NDC80: variants seen among roughly 807,000 people sequenced by gnomAD.
NDC80 encodes NDC80 kinetochore complex component, also known as kinetochore protein NDC80 homolog.
NDC80 carries 69 observed loss-of-function variants against 89.3 expected under a neutral mutation model. The observed-to-expected ratio is 0.77, with a 90% CI of 0.64 to 0.94. The LOEUF is 0.94. NDC80 is among the 40% of genes least tolerant of loss of function. The probability of loss-of-function intolerance (pLI) is 0.00; values close to 1 mark genes in which losing one functional copy is unlikely to be tolerated. For synonymous variants in NDC80, 243 were observed against 255.6 expected, an observed-to-expected ratio of 0.95 and a Z score of 0.47; for missense variants, 593 against 739.6, an observed-to-expected ratio of 0.80 and a Z score of 2.30.
chr18:2,609,591 G>A (rs1176351156), intron 15 of NDC80, among the ~76,000 whole-genome samples: 2 of 152,120 alleles, frequency 1.3e-5, no homozygotes, highest in Non-Finnish European at 2.9e-5. Flanking sequence ...ATACTTAATG[G>A]CTAAGAAATA....
chr18:2,595,854 C>A lies in NDC80; in HGVS notation c.1221+233C>A, dbSNP rs76829748. On this transcript the variant is annotated intron_variant, in intron 11 of 16. Transcript: ENST00000261597. The stretch of plus-strand genomic sequence containing the variant: ...CCAATGAAAAAGTAAACAAAAAAGT[C>A]TCTAAAACTATGAAAATAATGTTCA... Among the ~76,000 whole-genome samples, 1,047 of 152,246 alleles carry A rather than the reference C, an allele frequency of 6.9e-3. 17 individuals carry two copies. The highest frequency in any genetic ancestry group is 0.024 in the African/African-American group (992 of 41,540).
rs1400233076 is a variant in NDC80 at position 2,610,753 on chromosome 18, C to A, written c.1689-6C>A. ...GACAACTTAAACAAGAGTTTTTGTT[C>A]TACAGATACCAACTAGTTGTGCAAA... On this transcript the variant is annotated splice_region_variant and splice_polypyrimidine_tract_variant and intron_variant, in intron 15 of 16. Coordinates refer to ENST00000261597, the MANE Select transcript of NDC80 (RefSeq NM_006101.3). 2 of 1,563,756 alleles carry A rather than the reference C, an allele frequency of 1.3e-6. No individual in the cohort carries two copies. Among genetic ancestry groups the A allele is most frequent in the African/African-American group, 2.7e-5 (2 of 73,488 alleles).
chr18:2,606,496 C>CAA lies in NDC80; in HGVS notation c.1551_1552dup (p.Ile518LysfsTer26). 6.3e-7 allele frequency: 1 copy of CAA among 1,598,712 alleles called. No homozygotes were observed. Among genetic ancestry groups the CAA allele is most frequent in the Middle Eastern group, 1.7e-4 (1 of 6,018 alleles). On this transcript the variant is annotated frameshift_variant, in exon 14 of 17. Coordinates refer to ENST00000261597, the MANE Select transcript of NDC80 (RefSeq NM_006101.3). LOFTEE classifies it high-confidence loss of function. ...TCAAAAGCTGGATGATCTTTACCAA[C>CAA]AAAAAATTAAGGTAAGAACTTTGCC... is the stretch of plus-strand genomic sequence containing the variant.
chr18:2,603,378 T>TATATATATATATATATATATATAC (rs1491296244), intron 13 of NDC80, among the ~76,000 whole-genome samples: 2 of 143,494 alleles, frequency 1.4e-5, no homozygotes, highest in African/African-American at 2.6e-5. Flanking sequence ...TATATATATA[T>TATATATATATATATATATATATAC]ACACCTATGT....
At chr18:2,589,486 T>C (rs1194627572) in intron 9 of NDC80, among the ~76,000 whole-genome samples, 176 bp downstream of exon 9, 1 of 152,208 alleles carries the variant, frequency 6.6e-6, no homozygotes, top group Non-Finnish European at 1.5e-5. Flanking sequence ...TGTGGAGCCT[T>C]GTTTTCCCTT....
At chr18:2,610,909 C>T in intron 16 of NDC80, 48 bp downstream of exon 16, 1 of 1,161,434 alleles carries the variant, frequency 8.6e-7, no homozygotes, top group East Asian at 2.7e-5. Flanking sequence ...GTTTTTAAAA[C>T]TTTGATACAT....
chr18:2,591,288 A>G (rs1435400304), intron 10 of NDC80, among the ~76,000 whole-genome samples: 1 of 152,198 alleles, frequency 6.6e-6, no homozygotes, highest in African/African-American at 2.4e-5. Context: ...GGCACATGCA[A>G]TTGCTTGATT....
At chr18:2,578,294 G>A (rs1204909901) in intron 5 of NDC80, among the ~76,000 whole-genome samples, 153 bp downstream of exon 5, 1 of 152,110 alleles carries the variant, frequency 6.6e-6, no homozygotes, top group Non-Finnish European at 1.5e-5. Context: ...GAGAAAAAAA[G>A]CAACTGCTTA....
chr18:2,573,862 G>A (rs1342024406), intron 2 of NDC80, among the ~76,000 whole-genome samples: 2 of 151,852 alleles, frequency 1.3e-5, no homozygotes, highest in Non-Finnish European at 2.9e-5. Flanking sequence ...AAGCTAAAAG[G>A]TCACCATTGT....
At position 2,595,505 on chromosome 18, in the gene NDC80, A is replaced by G; in HGVS notation, c.1105A>G (p.Ile369Val). 1 of 1,613,928 alleles carries G rather than the reference A, an allele frequency of 6.2e-7. No homozygotes were observed. The highest frequency in any genetic ancestry group is 8.5e-7 in the Non-Finnish European group (1 of 1,179,826). Reference sequence around the variant, plus strand: ...GTACTCAGTTGCAGACATTGAGCGAATAAATCATGAAAGAAATGAATTGCA... The same window carrying G: ...GTACTCAGTTGCAGACATTGAGCGAGTAAATCATGAAAGAAATGAATTGCA... ...QKYSVADIER[I>V]NHERNELQQT... Residue 369 changes from isoleucine to valine, a missense_variant, in exon 11 of 17, where the codon ATA becomes GTA. By Grantham distance (29) the Ile-to-Val change is conservative. Transcript: ENST00000261597.
At chr18:2,581,266 T>C (rs987131429) in intron 6 of NDC80, among the ~76,000 whole-genome samples, 3 of 152,246 alleles carry the variant, frequency 2.0e-5, no homozygotes, top group Non-Finnish European at 4.4e-5. Context: ...TTCTTTGTGC[T>C]GTGTTTAAAT....
At chr18:2,581,361 T>G (rs569498575) in intron 6 of NDC80, among the ~76,000 whole-genome samples, 115 of 152,238 alleles carry the variant, frequency 7.6e-4, no homozygotes, top group African/African-American at 2.6e-3. Flanking sequence ...CAGTCCCATT[T>G]ATGGAAAAAC....
At chr18:2,613,545 A>G (rs1227056693) in intron 16 of NDC80, among the ~76,000 whole-genome samples, 2 of 152,234 alleles carry the variant, frequency 1.3e-5, no homozygotes, top group Non-Finnish European at 2.9e-5. Context: ...GAATTGTTCA[A>G]TTAATGAAGT....
At chr18:2,592,539 T>C (rs1420984298) in intron 10 of NDC80, among the ~76,000 whole-genome samples, 2 of 151,754 alleles carry the variant, frequency 1.3e-5, no homozygotes, top group African/African-American at 4.8e-5. Flanking sequence ...TTTTTTTTAG[T>C]AGAGACAGGG....
intron 11 of NDC80, among the ~76,000 whole-genome samples, chr18:2,598,042 A>C (rs1288066454): frequency 2.0e-5 from 3 of 152,268 alleles, no homozygotes; most frequent in African/African-American, 4.8e-5. Flanking sequence ...TGGGTAATAC[A>C]TTACCAATTT....
rs909216530 is a variant in NDC80 at position 2,573,014 on chromosome 18, G to T, written c.29G>T (p.Gly10Val). The change falls in exon 2 of 17, where the codon GGT becomes GTT. Residue 10 changes from glycine to valine, a missense_variant. Coordinates refer to ENST00000261597, the MANE Select transcript of NDC80 (RefSeq NM_006101.3). MKRSSVSSGGAGRLSMQELR... is the reference protein window; with the variant it reads MKRSSVSSGVAGRLSMQELR... ...AAGCGCAGTTCAGTTTCCAGCGGTG[G>T]TGCTGGCCGCCTCTCCATGCAGGAG... The T allele has an allele frequency of 7.4e-6, 12 of 1,613,956 alleles. No individual in the cohort carries two copies. Among genetic ancestry groups the T allele is most frequent in the Non-Finnish European group, 1.0e-5 (12 of 1,179,984 alleles).
At chr18:2,573,297 A>G (rs965057102) in intron 2 of NDC80, among the ~76,000 whole-genome samples, 7 of 152,234 alleles carry the variant, frequency 4.6e-5, no homozygotes, top group Non-Finnish European at 1.0e-4. Context: ...ACAAATTTCC[A>G]AAGCCAAATG....
chr18:2,587,426 A>G (rs2072607891), intron 7 of NDC80, among the ~76,000 whole-genome samples: 1 of 152,222 alleles, frequency 6.6e-6, no homozygotes, highest in Admixed American at 6.5e-5. Context: ...TATCAATTCA[A>G]TTGGACTTAG....
intron 16 of NDC80, among the ~76,000 whole-genome samples, chr18:2,611,694 T>TA (rs1453320239): frequency 6.6e-6 from 1 of 152,168 alleles, no homozygotes; most frequent in East Asian, 1.9e-4. Context: ...GAAGCTAAGA[T>TA]AAATTGCTGA....
Sources: gnomAD v4.1 joint callset for allele counts (sites outside exome capture counted in the v4.1 genomes callset) on GRCh38, gnomAD v4.1.1 for gene constraint, MANE v1.5 for transcripts, NCBI Gene and HGNC (gene_info 2026-07-23, HGNC 2026-07-21) for gene names.